Variants in FRMD5 observed in about 807,000 individuals in gnomAD.
FRMD5 encodes the protein FERM domain containing 5.
FRMD5 carries 20 observed loss-of-function variants against 69.0 expected under a neutral mutation model. The observed-to-expected ratio is 0.29, with a 90% CI of 0.20 to 0.42. The LOEUF (loss-of-function observed/expected upper bound fraction) is 0.42, where lower values mean the gene tolerates loss of function less well. FRMD5 is among the 10% of genes least tolerant of loss of function. The pLI is 1.00. For missense variants in FRMD5, 595 were observed against 708.6 expected (o/e 0.84, Z 1.82); for synonymous variants, 271 against 260.1 (o/e 1.04, Z -0.40).
At chr15:44,039,350 G>A (rs1892080927) in intron 1 of FRMD5, among the ~76,000 whole-genome samples, 1 of 152,184 alleles carries the variant, frequency 6.6e-6, no homozygotes, top group Admixed American at 6.5e-5. Context: ...CCTCAAGTGG[G>A]TCCCTGACCC....
intron 1 of FRMD5, among the ~76,000 whole-genome samples, chr15:43,946,755 T>C (rs1457259019): frequency 6.6e-6 from 1 of 152,204 alleles, no homozygotes; most frequent in East Asian, 1.9e-4. Flanking sequence ...ACTTTCACTT[T>C]GCTCTCTTCT....
intron 1 of FRMD5, among the ~76,000 whole-genome samples, chr15:44,088,001 T>C (rs1358888082): frequency 6.6e-6 from 1 of 152,162 alleles, no homozygotes; most frequent in Non-Finnish European, 1.5e-5. Flanking sequence ...CAAGGAGTCA[T>C]TCATTATTCA....
Position 44,192,286 on chromosome 15 carries a change from A to C in FRMD5, c.102+2667T>G, listed in dbSNP as rs188015358. On this transcript the variant is annotated intron_variant, in intron 1 of 13. Coordinates refer to ENST00000417257, the MANE Select transcript of FRMD5 (RefSeq NM_032892.5). ...CTTTGACAGAATTTCTTATAACTGA[A>C]ATTTACCAAATGGAACTATCATGAC... is the stretch of plus-strand genomic sequence containing the variant. 2.0e-5 allele frequency among the ~76,000 whole-genome samples: 3 copies of C among 152,252 alleles called. No homozygotes were observed. In the East Asian group the frequency reaches 5.8e-4, roughly 29 times the overall value.
At chr15:44,071,816 A>G (rs1307465313) in intron 1 of FRMD5, among the ~76,000 whole-genome samples, 1 of 152,182 alleles carries the variant, frequency 6.6e-6, no homozygotes, top group Non-Finnish European at 1.5e-5. Context: ...ATATTTTTAA[A>G]ATCGTTTAAT....
chr15:43,973,377 T>C (rs2090415982), intron 1 of FRMD5, among the ~76,000 whole-genome samples: 1 of 151,654 alleles, frequency 6.6e-6, no homozygotes, highest in Non-Finnish European at 1.5e-5. Flanking sequence ...TGTTTTTTTT[T>C]TTTTTTGAGA....
At chr15:43,888,976 C>T in intron 8 of FRMD5, 104 bp from the exon 9 acceptor site, 3 of 947,054 alleles carry the variant, frequency 3.2e-6, no homozygotes, top group Admixed American at 2.0e-5. Context: ...GCTCCAGGCA[C>T]AGACACAATT....
At chr15:44,035,289 A>C (rs1891857172) in intron 1 of FRMD5, among the ~76,000 whole-genome samples, 2 of 152,198 alleles carry the variant, frequency 1.3e-5, no homozygotes, top group East Asian at 1.9e-4. Flanking sequence ...ACCTTAAGGA[A>C]TATACAATTG....
chr15:44,166,988 A>C (rs2077721211), intron 1 of FRMD5, among the ~76,000 whole-genome samples: 1 of 152,146 alleles, frequency 6.6e-6, no homozygotes. Context: ...AGGAAATGAA[A>C]ATAGATTTAG....
intron 1 of FRMD5, among the ~76,000 whole-genome samples, chr15:44,130,856 A>G (rs1038019507): frequency 4.1e-4 from 63 of 152,318 alleles, no homozygotes; most frequent in African/African-American, 1.4e-3. Flanking sequence ...TGGTGTTTAC[A>G]TTAAAAGAAA....
At chr15:44,021,998 C>A (rs1891228050) in intron 1 of FRMD5, among the ~76,000 whole-genome samples, 2 of 151,938 alleles carry the variant, frequency 1.3e-5, no homozygotes, top group Admixed American at 6.6e-5. Flanking sequence ...GATAGACGAA[C>A]CTTGAAAACA....
chr15:44,118,220 A>T (rs1001880451), intron 1 of FRMD5, among the ~76,000 whole-genome samples: 8 of 152,148 alleles, frequency 5.3e-5, no homozygotes, highest in Non-Finnish European at 8.8e-5. Flanking sequence ...GGCCTACCTG[A>T]GCCAAATTTC....
At chr15:43,897,604 T>TAA (rs954085995) in intron 7 of FRMD5, among the ~76,000 whole-genome samples, 1 of 152,066 alleles carries the variant, frequency 6.6e-6, no homozygotes, top group Non-Finnish European at 1.5e-5. Flanking sequence ...GATTCCATTT[T>TAA]AAGGGCAGAG....
intron 1 of FRMD5, among the ~76,000 whole-genome samples, chr15:44,077,941 C>T (rs1182409079): frequency 1.3e-5 from 2 of 152,084 alleles, no homozygotes. Flanking sequence ...TGGATTTTTA[C>T]AGCTTGTTAA....
chr15:44,062,620 G>A (rs1223972254), intron 1 of FRMD5, among the ~76,000 whole-genome samples: 1 of 149,956 alleles, frequency 6.7e-6, no homozygotes, highest in African/African-American at 2.5e-5. Flanking sequence ...AACCTGGGAG[G>A]CAGAGGCTGC....
intron 1 of FRMD5, among the ~76,000 whole-genome samples, chr15:44,120,601 T>G (rs2076934747): frequency 6.9e-6 from 1 of 144,388 alleles, no homozygotes; most frequent in Admixed American, 7.2e-5. Context: ...GAGTGCAATC[T>G]CGGCTCCGCC....
chr15:43,906,959 C>T (rs1403482508), intron 5 of FRMD5, among the ~76,000 whole-genome samples: 2 of 152,184 alleles, frequency 1.3e-5, no homozygotes, highest in Admixed American at 1.3e-4. Context: ...GAGCCTTTCT[C>T]CTCCAGCTAT....
intron 1 of FRMD5, among the ~76,000 whole-genome samples, chr15:43,988,148 G>A (rs779595435): frequency 6.6e-6 from 1 of 152,110 alleles, no homozygotes; most frequent in Non-Finnish European, 1.5e-5. Flanking sequence ...AAATACAGAT[G>A]AAGCTTCTCT....
chr15:44,035,443 C>A (rs574299491), intron 1 of FRMD5, among the ~76,000 whole-genome samples: 98 of 152,290 alleles, frequency 6.4e-4, no homozygotes, highest in African/African-American at 2.2e-3. Context: ...TTTGCCTGTG[C>A]CTGACTGGCT....
intron 1 of FRMD5, among the ~76,000 whole-genome samples, chr15:44,032,949 G>C (rs1891748806): frequency 6.6e-6 from 1 of 152,076 alleles, no homozygotes; most frequent in Admixed American, 6.5e-5. Context: ...CAGAGACAAG[G>C]AATCAACCTA....
Sources: gnomAD v4.1 joint callset for allele counts (sites outside exome capture counted in the v4.1 genomes callset) on GRCh38, gnomAD v4.1.1 for gene constraint, MANE v1.5 for transcripts, NCBI Gene and HGNC (gene_info 2026-07-23, HGNC 2026-07-21) for gene names.